VPS13B: variants seen among roughly 807,000 people sequenced by gnomAD.
VPS13B encodes the protein intermembrane lipid transfer protein VPS13B.
VPS13B carries 285 observed loss-of-function variants against 426.4 expected under a neutral mutation model. The ratio of observed to expected loss-of-function variants is 0.67; its 90% CI spans 0.61 to 0.74. The LOEUF (loss-of-function observed/expected upper bound fraction) is 0.74. Among genes scored for constraint, VPS13B ranks in the 30% least tolerant of loss-of-function variants. The probability of loss-of-function intolerance (pLI) is 0.00; values close to 1 mark genes in which losing one functional copy is unlikely to be tolerated. For synonymous variants in VPS13B, 1,676 were observed against 1,676.4 expected, an observed-to-expected ratio of 1.00 and a Z score of 0.01; for missense variants, 4,537 against 4,782.6, an observed-to-expected ratio of 0.95 and a Z score of 1.51.
At chr8:99,429,861 C>G (rs755990584) in intron 21 of VPS13B, among the ~76,000 whole-genome samples, 1 of 152,128 alleles carries the variant, frequency 6.6e-6, no homozygotes, top group Non-Finnish European at 1.5e-5. Context: ...TCCCAGTTCC[C>G]TCAAGTAAAA....
At chr8:99,219,863 A>T (rs559671154) in intron 17 of VPS13B, among the ~76,000 whole-genome samples, 1 of 152,282 alleles carries the variant, frequency 6.6e-6, no homozygotes, top group South Asian at 2.1e-4. Context: ...TTTTCATGTA[A>T]ATTCAAAAGC....
chr8:99,615,136 A>AG (rs1227608346), intron 33 of VPS13B, among the ~76,000 whole-genome samples: 1 of 151,140 alleles, frequency 6.6e-6, no homozygotes, highest in Non-Finnish European at 1.5e-5. Context: ...AAAAAAAAAA[A>AG]AAAAATTTAC....
At chr8:99,681,796 A>G (rs1349137848) in intron 35 of VPS13B, among the ~76,000 whole-genome samples, 3 of 152,214 alleles carry the variant, frequency 2.0e-5, no homozygotes, top group Admixed American at 6.5e-5. Flanking sequence ...TGTAATCCTT[A>G]ATTACTAAAT....
rs1046269337 is a variant in VPS13B, at chr8:99,552,656, A to C, written c.4746-3794A>C. On this transcript the variant is annotated intron_variant, in intron 30 of 61. Coordinates refer to ENST00000357162, the MANE Select transcript of VPS13B (RefSeq NM_152564.5). ...AAATTACCTTGTCCATTTCTACATGAGCATAAGGAGAACTGTTGCTTTAAA... is the reference window on the plus strand; with the variant it reads ...AAATTACCTTGTCCATTTCTACATGCGCATAAGGAGAACTGTTGCTTTAAA... 3.3e-5 allele frequency among the ~76,000 whole-genome samples: 5 copies of C among 151,762 alleles called. No homozygotes were observed. Among genetic ancestry groups the C allele is most frequent in the Non-Finnish European group, 7.4e-5 (5 of 67,932 alleles).
chr8:99,123,421 G>A (rs1449214214), intron 8 of VPS13B, among the ~76,000 whole-genome samples: 1 of 152,066 alleles, frequency 6.6e-6, no homozygotes, highest in Non-Finnish European at 1.5e-5. Flanking sequence ...GATAAGAGGG[G>A]TGATGAGGTT....
intron 19 of VPS13B, among the ~76,000 whole-genome samples, chr8:99,342,003 G>T (rs1429268658): frequency 6.6e-6 from 1 of 152,090 alleles, no homozygotes; most frequent in Non-Finnish European, 1.5e-5. Context: ...AGTAATTCCA[G>T]TTTTATGAAT....
chr8:99,866,726 G>C (rs1424030940), intron 58 of VPS13B, among the ~76,000 whole-genome samples: 2 of 152,262 alleles, frequency 1.3e-5, no homozygotes, highest in African/African-American at 4.8e-5. Flanking sequence ...TGTTCACTTT[G>C]ATAATCTGCT....
At chr8:99,856,886 A>T (rs1226259286) in intron 56 of VPS13B, among the ~76,000 whole-genome samples, 1 of 150,766 alleles carries the variant, frequency 6.6e-6, no homozygotes, top group Non-Finnish European at 1.5e-5. Flanking sequence ...AAAAATAAAA[A>T]AGTATGGGTG....
chr8:99,096,346 A>G lies in VPS13B; in HGVS notation c.326A>G (p.Asn109Ser). ...GAAAGCTGTGGTTCTAATTCTACCA[A>G]CCGTAGTACTGCTGAGAGCACAAAA... ...DHESCGSNST[N>S]RSTAESTKSS... The change falls in exon 4 of 62, where the codon AAC becomes AGC. Residue 109 changes from asparagine (N) to serine (S), a missense_variant. Coordinates refer to ENST00000357162, the MANE Select transcript of VPS13B (RefSeq NM_152564.5). The G allele has an allele frequency of 6.2e-7, 1 of 1,614,138 alleles. No individual in the cohort carries two copies. Among genetic ancestry groups the G allele is most frequent in the Non-Finnish European group, 8.5e-7 (1 of 1,179,986 alleles).
chr8:99,718,348 T>A (rs1833003258), intron 37 of VPS13B, among the ~76,000 whole-genome samples: 1 of 152,142 alleles, frequency 6.6e-6, no homozygotes, highest in South Asian at 2.1e-4. Context: ...AAGCACAGTG[T>A]CACTAGCAAT....
chr8:99,673,579 T>A (rs1290025784), intron 35 of VPS13B, among the ~76,000 whole-genome samples: 1 of 151,996 alleles, frequency 6.6e-6, no homozygotes, highest in Non-Finnish European at 1.5e-5. Context: ...TTTCTATTAT[T>A]TTTGTAGTCT....
chr8:99,084,666 T>C (rs1845673916), intron 3 of VPS13B, among the ~76,000 whole-genome samples: 2 of 152,220 alleles, frequency 1.3e-5, no homozygotes, highest in Non-Finnish European at 2.9e-5. Context: ...TTTGTTCTCA[T>C]TGGTTTCAAA....
intron 31 of VPS13B, among the ~76,000 whole-genome samples, chr8:99,570,844 G>T (rs940353397): frequency 1.3e-5 from 2 of 152,002 alleles, no homozygotes; most frequent in Non-Finnish European, 2.9e-5. Flanking sequence ...GATGCCCCAG[G>T]GTTATCAAAA....
chr8:99,062,125 A>T (rs1333336448), intron 3 of VPS13B, among the ~76,000 whole-genome samples: 1 of 152,144 alleles, frequency 6.6e-6, no homozygotes. Flanking sequence ...TATTCCCCCG[A>T]AGTTAGATCG....
At chr8:99,016,493 G>T (rs1841619343) in intron 2 of VPS13B, among the ~76,000 whole-genome samples, 1 of 144,196 alleles carries the variant, frequency 6.9e-6, no homozygotes, top group Non-Finnish European at 1.5e-5. Flanking sequence ...ATTCTTATTG[G>T]CCATTTAGCT....
At chr8:99,304,841 C>G (rs867450164) in intron 19 of VPS13B, among the ~76,000 whole-genome samples, 7 of 152,186 alleles carry the variant, frequency 4.6e-5, no homozygotes, top group Middle Eastern at 3.4e-3. Context: ...CAGATGTGAT[C>G]TTTTTGCTCC....
chr8:99,303,950 T>C (rs1261049138), intron 19 of VPS13B, among the ~76,000 whole-genome samples: 2 of 152,086 alleles, frequency 1.3e-5, no homozygotes, highest in East Asian at 1.9e-4. Context: ...TAGCTTAATT[T>C]TGACGTTCAC....
intron 16 of VPS13B, among the ~76,000 whole-genome samples, chr8:99,178,859 TGA>T (rs1812783967): frequency 6.6e-6 from 1 of 152,074 alleles, no homozygotes; most frequent in Non-Finnish European, 1.5e-5. Context: ...TGACCTCAAG[TGA>T]GCCACCCGCC....
chr8:99,112,161 T>C (rs1847401090), intron 6 of VPS13B, among the ~76,000 whole-genome samples: 1 of 152,210 alleles, frequency 6.6e-6, no homozygotes, highest in Non-Finnish European at 1.5e-5. Context: ...TTTCTGAACA[T>C]TGTTTGTCTG....
Sources: gnomAD v4.1 joint callset for allele counts (sites outside exome capture counted in the v4.1 genomes callset) on GRCh38, gnomAD v4.1.1 for gene constraint, MANE v1.5 for transcripts, NCBI Gene and HGNC (gene_info 2026-07-23, HGNC 2026-07-21) for gene names.